The following ARL15 variants were observed in gnomAD, a reference collection of about 807,000 sequenced individuals.
ARL15 encodes ADP-ribosylation factor-like protein 15.
Under a neutral mutation model 25.2 loss-of-function variants are expected in ARL15, and 19 were observed. That is an observed-to-expected ratio of 0.75 (90% CI 0.53 to 1.10). The LOEUF (loss-of-function observed/expected upper bound fraction) is 1.10, where lower values mean the gene tolerates loss of function less well. Ranked by LOEUF, ARL15 falls within the 50% of genes least tolerant of loss-of-function variation. ARL15 has a pLI of 0.00. For synonymous variants in ARL15, 94 were observed against 86.8 expected (o/e 1.08, Z -0.46); for missense variants, 220 against 246.0 (o/e 0.89, Z 0.71).
intron 1 of ARL15, among the ~76,000 whole-genome samples, chr5:54,175,064 C>T (rs990551838): frequency 1.3e-5 from 2 of 152,200 alleles, no homozygotes; most frequent in African/African-American, 4.8e-5. Context: ...TATCATAAAC[C>T]TTAAATATCA....
chr5:53,975,752 C>T (rs1412613106), intron 4 of ARL15, among the ~76,000 whole-genome samples: 4 of 152,180 alleles, frequency 2.6e-5, no homozygotes, highest in Non-Finnish European at 5.9e-5. Flanking sequence ...ACACAACCAT[C>T]CACAAGGCTT....
chr5:54,279,960 G>A (rs1037031982), intron 1 of ARL15, among the ~76,000 whole-genome samples: 8 of 152,292 alleles, frequency 5.3e-5, no homozygotes, highest in East Asian at 1.9e-4. Flanking sequence ...CATGGCATTC[G>A]TGCAGAAATT....
In ARL15 at chr5:54,070,419, A is replaced by T. The variant is rs142684314; in HGVS notation, c.462+42783T>A. ...AAAAAAAAAAGTTGGTTTGGCTCTCAGTTCAGCCCCCTTGCCATGTGATGC... is the reference window on the plus strand; with the variant it reads ...AAAAAAAAAAGTTGGTTTGGCTCTCTGTTCAGCCCCCTTGCCATGTGATGC... On this transcript the variant is annotated intron_variant, in intron 4 of 4. Transcript: ENST00000504924. 4.2e-3 allele frequency among the ~76,000 whole-genome samples: 635 copies of T among 151,600 alleles called. 4 individuals are homozygous for T. The highest frequency in any genetic ancestry group is 0.015 in the African/African-American group (606 of 41,396).
intron 1 of ARL15, among the ~76,000 whole-genome samples, chr5:54,296,529 C>G (rs184939418): frequency 1.2e-4 from 18 of 152,342 alleles, no homozygotes; most frequent in Admixed American, 1.0e-3. Context: ...CAGCACCTGT[C>G]AGGTGTACTT....
At chr5:54,039,171 C>A (rs953743404) in intron 4 of ARL15, among the ~76,000 whole-genome samples, 1 of 152,122 alleles carries the variant, frequency 6.6e-6, no homozygotes, top group African/African-American at 2.4e-5. Context: ...TAGGCATCCA[C>A]CTACTCAACT....
At chr5:54,237,424 C>T (rs1579939355) in intron 1 of ARL15, among the ~76,000 whole-genome samples, 1 of 151,946 alleles carries the variant, frequency 6.6e-6, no homozygotes, top group South Asian at 2.1e-4. Flanking sequence ...AGAGAAGTAC[C>T]CTGAAGTATT....
chr5:54,103,139 G>C (rs1752488043), intron 4 of ARL15, among the ~76,000 whole-genome samples: 1 of 151,974 alleles, frequency 6.6e-6, no homozygotes, highest in African/African-American at 2.4e-5. Flanking sequence ...CTTCTCCTTT[G>C]TAACCTAGTA....
intron 1 of ARL15, 102 bp downstream of exon 1, chr5:54,310,330 C>A (rs1758863911): frequency 1.5e-6 from 2 of 1,345,262 alleles, no homozygotes; most frequent in Admixed American, 2.4e-5. Context: ...CAGAGGCATC[C>A]TATCCCAAAG....
At chr5:53,929,953 G>C (rs1746149597) in intron 4 of ARL15, among the ~76,000 whole-genome samples, 1 of 152,004 alleles carries the variant, frequency 6.6e-6, no homozygotes, top group African/African-American at 2.4e-5. Flanking sequence ...CTGTTCTTAG[G>C]AGGGGCTGAT....
At chr5:53,916,751 C>T (rs1290113445) in intron 4 of ARL15, among the ~76,000 whole-genome samples, 1 of 152,088 alleles carries the variant, frequency 6.6e-6, no homozygotes, top group African/African-American at 2.4e-5. Context: ...AACATAATTT[C>T]CCCTAAAGGC....
intron 4 of ARL15, among the ~76,000 whole-genome samples, chr5:54,064,401 C>A (rs1030547922): frequency 6.6e-6 from 1 of 152,094 alleles, no homozygotes; most frequent in Admixed American, 6.6e-5. Context: ...AGTAGGGCAG[C>A]TAAAGAAGAC....
At chr5:54,024,062 T>C (rs1179305530) in intron 4 of ARL15, among the ~76,000 whole-genome samples, 1 of 152,262 alleles carries the variant, frequency 6.6e-6, no homozygotes, top group African/African-American at 2.4e-5. Context: ...CACTCTGGGA[T>C]TCTTCCCTGT....
intron 3 of ARL15, among the ~76,000 whole-genome samples, chr5:54,152,946 T>A (rs1166535901): frequency 2.0e-5 from 3 of 152,238 alleles, no homozygotes; most frequent in Non-Finnish European, 2.9e-5. Flanking sequence ...TCACTTTTTT[T>A]AAAACTGTCC....
chr5:54,180,398 T>A (rs1755022518), intron 1 of ARL15, among the ~76,000 whole-genome samples: 1 of 152,126 alleles, frequency 6.6e-6, no homozygotes, highest in African/African-American at 2.4e-5. Flanking sequence ...GCAAACAAGT[T>A]CAAAATGGCA....
chr5:54,306,330 G>A (rs549303930), intron 1 of ARL15, among the ~76,000 whole-genome samples: 21 of 151,802 alleles, frequency 1.4e-4, no homozygotes, highest in African/African-American at 3.9e-4. Flanking sequence ...CCACTAAGCA[G>A]TAACAGTCAT....
At chr5:54,100,498 A>G (rs1752404850) in intron 4 of ARL15, among the ~76,000 whole-genome samples, 1 of 152,108 alleles carries the variant, frequency 6.6e-6, no homozygotes, top group African/African-American at 2.4e-5. Context: ...TAAACACGGT[A>G]TGACTGCTTA....
chr5:54,283,351 A>T (rs1472940995), intron 1 of ARL15, among the ~76,000 whole-genome samples: 4 of 152,268 alleles, frequency 2.6e-5, no homozygotes, highest in African/African-American at 9.6e-5. Context: ...ATGCGTGGAC[A>T]TTAAAAATAA....
chr5:54,192,698 A>T (rs140579163), intron 1 of ARL15, among the ~76,000 whole-genome samples: 1 of 152,074 alleles, frequency 6.6e-6, no homozygotes, highest in African/African-American at 2.4e-5. Flanking sequence ...AAAGTTTTCT[A>T]ATCTTTACAA....
At chr5:54,260,576 C>G (rs932125423) in intron 1 of ARL15, among the ~76,000 whole-genome samples, 7 of 152,164 alleles carry the variant, frequency 4.6e-5, no homozygotes, top group Non-Finnish European at 1.0e-4. Context: ...CCACAGGGTT[C>G]TAGTTAGGCT....
Sources: allele counts gnomAD v4.1 joint callset (sites outside exome capture counted in the v4.1 genomes callset), GRCh38; gene constraint gnomAD v4.1.1; transcripts MANE v1.5; gene names NCBI Gene and HGNC (gene_info 2026-07-23, HGNC 2026-07-21).